The following ZNF66 variants were observed in gnomAD, a reference collection of about 807,000 sequenced individuals.
ZNF66 encodes the protein zinc finger protein 66, also known as putative zinc finger protein 66.
In ZNF66, 32 loss-of-function variants were observed where a neutral mutation model predicts 35.2. The observed-to-expected ratio is 0.91, with a 90% confidence interval of 0.69 to 1.22. ZNF66 has a LOEUF of 1.22. Among genes scored for constraint, ZNF66 ranks in the 50% most tolerant of loss-of-function variants. The probability of loss-of-function intolerance (pLI) is 0.00; values close to 1 mark genes in which losing one functional copy is unlikely to be tolerated. For synonymous variants in ZNF66, 231 were observed against 181.3 expected (o/e 1.27, Z -2.20); for missense variants, 666 against 543.1 (o/e 1.23, Z -2.25).
intron 3 of ZNF66, among the ~76,000 whole-genome samples, chr19:20,802,126 T>A (rs1049210168): frequency 1.3e-5 from 2 of 152,326 alleles, no homozygotes; most frequent in Non-Finnish European, 2.9e-5. Context: ...ATTCTGTAGC[T>A]TTTTGATGTG....
In ZNF66 at chr19:20,809,847, A is replaced by C. The variant is rs932137701; in HGVS notation, c.*2525A>C. On this transcript the variant is annotated 3_prime_UTR_variant, in exon 4 of 4. Coordinates refer to ENST00000344519, the MANE Select transcript of ZNF66 (RefSeq NM_001355197.2). The stretch of plus-strand genomic sequence containing the variant: ...ACATAACAATATTAGCTTTAAATGT[A>C]AATGGGCTAAATGCTCCAATTAAAA... Among the ~76,000 whole-genome samples the C allele has an allele frequency of 2.0e-5, 3 of 152,192 alleles. No homozygotes were observed. Among genetic ancestry groups the C allele is most frequent in the Non-Finnish European group, 4.4e-5 (3 of 68,048 alleles).
chr19:20,789,294 T>C (rs1971315156), intron 1 of ZNF66, among the ~76,000 whole-genome samples: 1 of 152,156 alleles, frequency 6.6e-6, no homozygotes, highest in African/African-American at 2.4e-5. Flanking sequence ...TTCACCCTTT[T>C]TGGAGGCCTT....
intron 1 of ZNF66, among the ~76,000 whole-genome samples, chr19:20,791,797 A>G (rs1404042008): frequency 6.6e-6 from 1 of 152,214 alleles, no homozygotes; most frequent in Admixed American, 6.5e-5. Context: ...GTTAATGGTT[A>G]ATGATTCACT....
chr19:20,796,976 A>G (rs1971398096), intron 3 of ZNF66, among the ~76,000 whole-genome samples: 1 of 151,964 alleles, frequency 6.6e-6, no homozygotes, highest in Admixed American at 6.6e-5. Flanking sequence ...TCAGTCTCTC[A>G]AGTAGCTGGG....
At chr19:20,800,832 A>G (rs1474902555) in intron 3 of ZNF66, among the ~76,000 whole-genome samples, 2 of 152,194 alleles carry the variant, frequency 1.3e-5, no homozygotes, top group African/African-American at 4.8e-5. Context: ...TCTATATGCA[A>G]AATAATTAAT....
intron 3 of ZNF66, among the ~76,000 whole-genome samples, chr19:20,801,903 A>G (rs908589848): frequency 6.6e-6 from 1 of 152,106 alleles, no homozygotes; most frequent in African/African-American, 2.4e-5. Context: ...TCCTAAGATT[A>G]CATTTCAAAG....
At chr19:20,791,566 A>G (rs1397742565) in intron 1 of ZNF66, among the ~76,000 whole-genome samples, 1 of 151,480 alleles carries the variant, frequency 6.6e-6, no homozygotes, top group East Asian at 1.9e-4. Context: ...AAAAATTATT[A>G]GGAGATACCT....
intron 3 of ZNF66, among the ~76,000 whole-genome samples, chr19:20,797,206 T>TATATTAGTGTG (rs1971402212): frequency 2.1e-4 from 20 of 97,090 alleles, no homozygotes; most frequent in African/African-American, 9.0e-4. Context: ...TTTTTTTTTT[T>TATATTAGTGTG]TTTTTTTTTT....
chr19:20,789,709 TAG>T (rs1386185717), intron 1 of ZNF66, among the ~76,000 whole-genome samples: 4 of 152,088 alleles, frequency 2.6e-5, no homozygotes, highest in Non-Finnish European at 4.4e-5. Context: ...GAAGAAGAAA[TAG>T]AGATTCTGGG....
intron 1 of ZNF66, among the ~76,000 whole-genome samples, chr19:20,786,910 T>G (rs1019015447): frequency 1.2e-4 from 19 of 152,104 alleles, no homozygotes; most frequent in Non-Finnish European, 1.5e-5. Context: ...TACAGACATA[T>G]GCCACTATGA....
chr19:20,805,517 G>A (rs528743432), intron 3 of ZNF66, among the ~76,000 whole-genome samples: 2 of 152,046 alleles, frequency 1.3e-5, no homozygotes, highest in East Asian at 3.9e-4. Context: ...AAGGCACAAT[G>A]TTATACTGGA....
At chr19:20,793,348 T>TTTTG (rs1971359777) in intron 2 of ZNF66, among the ~76,000 whole-genome samples, 1 of 144,772 alleles carries the variant, frequency 6.9e-6, no homozygotes, top group Non-Finnish European at 1.5e-5. Context: ...TTTTTTTTTT[T>TTTTG]GAGACAGAGT....
chr19:20,776,326 C>CCAGCTG lies in ZNF66; in HGVS notation c.-119_-118insCTGCAG. ...TTTGTCTCTCCCTGCAGCTGGAGCT[C>CCAGCTG]CAGGTCGTCTGTTCACTGCTCTCTG... On this transcript the variant is annotated 5_prime_UTR_variant, in exon 1 of 4. Coordinates refer to ENST00000344519, the MANE Select transcript of ZNF66 (RefSeq NM_001355197.2). The CCAGCTG allele has an allele frequency of 7.0e-7, 1 of 1,431,454 alleles. No individual in the cohort carries two copies. Among genetic ancestry groups the CCAGCTG allele is most frequent in the South Asian group, 1.1e-5 (1 of 87,270 alleles). 88.7% of individuals were successfully genotyped at this position (1,431,454 alleles called of 1,614,324 possible). A position where few individuals can be genotyped will look rare whatever the true frequency, so the allele number is the denominator to read the frequency against.
At position 20,807,346 on chromosome 19, in the gene ZNF66, A is replaced by G. The variant is rs1430135478; in HGVS notation, c.*24A>G. 3 of 600,148 alleles carry G rather than the reference A, an allele frequency of 5.0e-6. No individual in the cohort carries two copies. The highest frequency in any genetic ancestry group is 9.0e-6 in the Non-Finnish European group (3 of 333,566). 37.2% of individuals were successfully genotyped at this position (600,148 alleles called of 1,614,324 possible). A position where few individuals can be genotyped will look rare whatever the true frequency, so the allele number is the denominator to read the frequency against. On this transcript the variant is annotated 3_prime_UTR_variant, in exon 4 of 4. Transcript: ENST00000344519. ...AGACACTCCTCTACCCTTACTAGAC[A>G]TAAGATAATTCATACTGGAGAGAAA...
intron 3 of ZNF66, among the ~76,000 whole-genome samples, chr19:20,795,741 C>T (rs892637692): frequency 3.3e-5 from 5 of 152,108 alleles, no homozygotes; most frequent in African/African-American, 7.2e-5. Flanking sequence ...GTCATAGAAC[C>T]GCTTCAGGGA....
chr19:20,786,548 C>A (rs1234961366), intron 1 of ZNF66, among the ~76,000 whole-genome samples: 1 of 152,146 alleles, frequency 6.6e-6, no homozygotes, highest in Non-Finnish European at 1.5e-5. Context: ...AAATCTGCAG[C>A]TTCAAATTTT....
chr19:20,778,814 A>G (rs1181018467), intron 1 of ZNF66, among the ~76,000 whole-genome samples: 1 of 152,120 alleles, frequency 6.6e-6, no homozygotes, highest in African/African-American at 2.4e-5. Flanking sequence ...AGAACCTTAA[A>G]ATTTCCTTCC....
Position 20,808,838 on chromosome 19 carries a change from T to C in ZNF66, c.*1516T>C, listed in dbSNP as rs779548600. Among the ~76,000 whole-genome samples, 13 of 152,112 alleles carry C rather than the reference T, an allele frequency of 8.5e-5. No homozygotes were observed. Among genetic ancestry groups the C allele is most frequent in the Non-Finnish European group, 1.6e-4 (11 of 68,020 alleles). On this transcript the variant is annotated 3_prime_UTR_variant, in exon 4 of 4. Transcript: ENST00000344519. ...TTCCCCACCAGCAACAGAACAAAGC[T>C]GGATGGAGAATGACTTTGATGAGTT...
At chr19:20,790,532 T>C (rs1404076442) in intron 1 of ZNF66, among the ~76,000 whole-genome samples, 1 of 151,446 alleles carries the variant, frequency 6.6e-6, no homozygotes, top group Non-Finnish European at 1.5e-5. Context: ...GAGAAACTTA[T>C]ATTTTCATCT....
Sources: gnomAD v4.1 joint callset for allele counts (sites outside exome capture counted in the v4.1 genomes callset) on GRCh38, gnomAD v4.1.1 for gene constraint, MANE v1.5 for transcripts, NCBI Gene and HGNC (gene_info 2026-07-23, HGNC 2026-07-21) for gene names.